Variants in FBN3 observed in about 807,000 individuals in gnomAD.
FBN3 encodes the protein fibrillin 3.
FBN3 carries 234 observed loss-of-function variants against 330.1 expected under a neutral mutation model. The ratio of observed to expected loss-of-function variants is 0.71; its 90% confidence interval spans 0.64 to 0.79. The LOEUF (loss-of-function observed/expected upper bound fraction) is 0.79, where lower values mean the gene tolerates loss of function less well. Ranked by LOEUF, FBN3 falls within the 30% of genes least tolerant of loss-of-function variation. FBN3 has a pLI of 0.00. For synonymous variants in FBN3, 1,458 were observed against 1,517.3 expected (o/e 0.96, Z 0.91); for missense variants, 3,606 against 3,886.9 (o/e 0.93, Z 1.92).
At position 8,142,131 on chromosome 19, in the gene FBN3, C is replaced by T. The variant is rs147726585; in HGVS notation, c.548G>A (p.Arg183Gln). The change falls in exon 7 of 64, where the codon CGG becomes CAG. Residue 183 changes from arginine to glutamine, a missense_variant. Transcript: ENST00000600128. ...TACTTGGCCAAAGCAGGGTCCCGTC[C>T]GGTAATCTGCAGGGCAGACAGATGT... Reference protein sequence around the residue: ...FMGPQCERDYRTGPCFGQVGP... With the variant: ...FMGPQCERDYQTGPCFGQVGP... The T allele has an allele frequency of 3.0e-5, 49 of 1,606,936 alleles. No homozygotes were observed. Among genetic ancestry groups the T allele is most frequent in the African/African-American group, 2.9e-4 (22 of 74,824 alleles).
At chr19:8,144,038 G>T (rs2083478515) in intron 6 of FBN3, among the ~76,000 whole-genome samples, 1 of 151,676 alleles carries the variant, frequency 6.6e-6, no homozygotes, top group African/African-American at 2.4e-5. Context: ...TCAAACTCCT[G>T]GTACATCCAC....
At chr19:8,108,109 G>A in intron 37 of FBN3, 61 bp downstream of exon 37, 2 of 1,460,860 alleles carry the variant, frequency 1.4e-6, no homozygotes, top group South Asian at 1.2e-5. Context: ...GGTGAGGTGG[G>A]GATGAGAGAA....
rs764214948 is a variant in FBN3 at position 8,085,607 on chromosome 19, G to A, written c.6881-38C>T. 8 of 1,463,048 alleles carry A rather than the reference G, an allele frequency of 5.5e-6. No homozygotes were observed. The South Asian group carries it at 8.3e-5, about 15-fold the overall frequency. The allele number at this position is 1,463,048 out of a possible 1,614,324, so 90.6% of individuals were successfully genotyped here. ...ATGGGAAAGACAACGGTCACTCCAGGAGGCTGGTTTGGGGGCAAAGACTGA... is the reference window on the plus strand; with the variant it reads ...ATGGGAAAGACAACGGTCACTCCAGAAGGCTGGTTTGGGGGCAAAGACTGA... On this transcript the variant is annotated intron_variant, in intron 55 of 63. Transcript: ENST00000600128.
intron 61 of FBN3, 54 bp from the exon 62 acceptor site, chr19:8,073,351 C>T: frequency 7.0e-7 from 1 of 1,423,768 alleles, no homozygotes; most frequent in Middle Eastern, 1.8e-4. Flanking sequence ...GCAGTGCAGC[C>T]TTCACACCCC....
In FBN3 at chr19:8,081,023, T is replaced by C. The variant is rs779122771; in HGVS notation, c.7433A>G (p.Gln2478Arg). The change falls in exon 59 of 64, where the codon CAG becomes CGG. Residue 2478 changes from glutamine (Q) to arginine (R), a missense_variant. By Grantham distance (43) the Gln-to-Arg change is conservative. Transcript: ENST00000600128. Reference protein sequence around the residue: ...FTCRCPPGFTQHHQACFDNDE... With the variant: ...FTCRCPPGFTRHHQACFDNDE... ...CTCACCGAAGCAGGCCTGGTGGTGC[T>C]GGGTGAAGCCGGGCGGACAGCGGCA... The C allele has an allele frequency of 9.3e-6, 15 of 1,612,572 alleles. No homozygotes were observed. The highest frequency in any genetic ancestry group is 3.3e-5 in the Admixed American group (2 of 59,980).
At chr19:8,144,567 C>T (rs183956611) in intron 6 of FBN3, among the ~76,000 whole-genome samples, 27 of 151,824 alleles carry the variant, frequency 1.8e-4, no homozygotes, top group Non-Finnish European at 3.1e-4. Context: ...GCTGCCCCAA[C>T]CCTTGTCTTA....
chr19:8,103,158 T>C (rs1464140369), intron 39 of FBN3, among the ~76,000 whole-genome samples: 1 of 150,810 alleles, frequency 6.6e-6, no homozygotes, highest in Non-Finnish European at 1.5e-5. Context: ...TCCCAGCTAC[T>C]TGGGAGGCTG....
At position 8,123,975 on chromosome 19, in the gene FBN3, T is replaced by A; in HGVS notation, c.2765A>T (p.Asp922Val). The A allele has an allele frequency of 6.2e-7, 1 of 1,613,978 alleles. No homozygotes were observed. The highest frequency in any genetic ancestry group is 8.5e-7 in the Non-Finnish European group (1 of 1,179,994). The change falls in exon 23 of 64, where the codon GAT becomes GTT. Residue 922 changes from aspartate to valine, a missense_variant. Physicochemically the swap from Asp to Val is radical, Grantham distance 152. Transcript: ENST00000600128. ...CAGGGTGACCCCACACTCATCCTCA[T>A]CCCATCGCAGGAAACATGGTTCCAA... ...VRLEPCFLRW[D>V]EDECGVTLPG...
chr19:8,123,638 C>T lies in FBN3; in HGVS notation c.2957-49G>A, dbSNP rs1466446. The T allele has an allele frequency of 2.3e-4, 365 of 1,609,268 alleles. 3 individuals are homozygous for T. In the African/African-American group the frequency reaches 4.6e-3, roughly 20 times the overall value. On this transcript the variant is annotated intron_variant, in intron 23 of 63. Coordinates refer to ENST00000600128, the MANE Select transcript of FBN3 (RefSeq NM_032447.5). ...ACCCTGACGTCCCCAAGCTCAGGAT[C>T]CATACACCAAGCCCTCCCTGGGTTC... is the stretch of plus-strand genomic sequence containing the variant.
At chr19:8,135,935 T>TTGGGGGGGGGGGGGGGGGGGCGC in intron 13 of FBN3, 26 bp downstream of exon 13, 8 of 1,344,156 alleles carry the variant, frequency 6.0e-6, no homozygotes, top group African/African-American at 1.5e-5. Context: ...CGGAAGCCCC[T>TTGGGGGGGGGGGGGGGGGGGCGC]GCCCACCCGC....
Position 8,073,149 on chromosome 19 carries a change from C to A in FBN3, c.7851G>T (p.Arg2617=), listed in dbSNP as rs1308599999. 1 of 1,613,874 alleles carries A rather than the reference C, an allele frequency of 6.2e-7. No homozygotes were observed. Among genetic ancestry groups the A allele is most frequent in the Middle Eastern group, 1.7e-4 (1 of 6,060 alleles). The change falls in exon 62 of 64, where the codon CGG becomes CGT. Residue 2617 remains arginine (R), a synonymous_variant. Coordinates refer to ENST00000600128, the MANE Select transcript of FBN3 (RefSeq NM_032447.5). ...CACAGCTGTAGCTACAGGGGCCACG[C>A]CGTCCGGCGCACTCATCCACCTCCT... ...GCQEVDECAG[R]RGPCSYSCAN... is the part of the protein sequence containing the mutation.
Position 8,142,148 on chromosome 19 carries a change from G to A in FBN3, c.542-11C>T. 6.3e-7 allele frequency: 1 copy of A among 1,595,614 alleles called. No individual in the cohort carries two copies. Among genetic ancestry groups the A allele is most frequent in the Non-Finnish European group, 8.5e-7 (1 of 1,171,182 alleles). The stretch of plus-strand genomic sequence containing the variant: ...GTCCCGTCCGGTAATCTGCAGGGCA[G>A]ACAGATGTGGGTACCTGGCTGAGGG... On this transcript the variant is annotated splice_polypyrimidine_tract_variant and intron_variant, in intron 6 of 63. Transcript: ENST00000600128.
At chr19:8,098,415 G>A (rs1320414588) in intron 41 of FBN3, among the ~76,000 whole-genome samples, 1 of 138,038 alleles carries the variant, frequency 7.2e-6, no homozygotes, top group African/African-American at 3.0e-5. Context: ...ACCTAAACAG[G>A]CATCAGTGGG....
chr19:8,098,792 A>C (rs1299618352), intron 41 of FBN3, among the ~76,000 whole-genome samples: 2 of 152,214 alleles, frequency 1.3e-5, no homozygotes, highest in Non-Finnish European at 2.9e-5. Context: ...GTTATAAACA[A>C]TATAAGTGTC....
In FBN3 at chr19:8,091,676, T is replaced by C. The variant is rs2082098582; in HGVS notation, c.5906-86A>G. On this transcript the variant is annotated intron_variant, in intron 47 of 63. Transcript: ENST00000600128. ...GGACTCAGCTGTGAGAAGGGACAGA[T>C]GGAGTGCAGGTCCAGCCAGGGGCTG... 5 of 1,495,854 alleles carry C rather than the reference T, an allele frequency of 3.3e-6. No individual in the cohort carries two copies. In the Admixed American group the frequency reaches 7.3e-5, roughly 22 times the overall value. The allele number at this position is 1,495,854 out of a possible 1,614,324, so 92.7% of individuals were successfully genotyped here.
rs979356203 is a variant in FBN3, at chr19:8,115,746, C to G, written c.3713-106G>C. On this transcript the variant is annotated intron_variant, in intron 29 of 63. Transcript: ENST00000600128. The stretch of plus-strand genomic sequence containing the variant: ...TCACCAGCATTCCTGACTGTCCCGC[C>G]GCACAGGTCCTCTCTGCTAGGACTC... 2.0e-5 allele frequency: 26 copies of G among 1,308,390 alleles called. No individual in the cohort carries two copies. The African/African-American group carries it at 3.2e-4, about 16-fold the overall frequency. The allele number at this position is 1,308,390 out of a possible 1,614,324, so 81.0% of individuals were successfully genotyped here.
Position 8,106,102 on chromosome 19 carries a change from G to T in FBN3, c.4813+6C>A. 1 of 1,614,068 alleles carries T rather than the reference G, an allele frequency of 6.2e-7. No homozygotes were observed. Among genetic ancestry groups the T allele is most frequent in the Non-Finnish European group, 8.5e-7 (1 of 1,179,972 alleles). On this transcript the variant is annotated splice_donor_region_variant and intron_variant, in intron 38 of 63. Transcript: ENST00000600128. ...CTGACCCACCCCAAAGAGAATCCAT[G>T]CTCACCCTCACAGATGCGGGTGTGC... is the stretch of plus-strand genomic sequence containing the variant.
chr19:8,148,569 G>T (rs923044911), intron 1 of FBN3, among the ~76,000 whole-genome samples: 2 of 152,220 alleles, frequency 1.3e-5, no homozygotes, highest in Non-Finnish European at 2.9e-5. Context: ...GGAGGGAGAA[G>T]ACCGGGACAG....
chr19:8,075,577 T>C (rs1435816454), intron 59 of FBN3, among the ~76,000 whole-genome samples, 166 bp from the exon 60 acceptor site: 1 of 152,228 alleles, frequency 6.6e-6, no homozygotes, highest in Admixed American at 6.5e-5. Flanking sequence ...TGACTCAGAA[T>C]AGGCACCAAT....
Sources: allele counts gnomAD v4.1 joint callset (sites outside exome capture counted in the v4.1 genomes callset), GRCh38; gene constraint gnomAD v4.1.1; transcripts MANE v1.5; gene names NCBI Gene and HGNC (gene_info 2026-07-23, HGNC 2026-07-21).